The following MEGF11 variants were observed in gnomAD, a reference collection of about 807,000 sequenced individuals.
MEGF11 encodes multiple epidermal growth factor-like domains protein 11.
Under a neutral mutation model 146.6 loss-of-function variants are expected in MEGF11, and 126 were observed. The ratio of observed to expected loss-of-function variants is 0.86; its 90% confidence interval spans 0.74 to 1.00. MEGF11 has a LOEUF of 1.00. Ranked by LOEUF, MEGF11 falls within the 50% of genes least tolerant of loss-of-function variation. The probability of loss-of-function intolerance (pLI) is 0.00; values close to 1 mark genes in which losing one functional copy is unlikely to be tolerated. For synonymous variants in MEGF11, 532 were observed against 583.4 expected (o/e 0.91, Z 1.27); for missense variants, 1,509 against 1,521.2 (o/e 0.99, Z 0.13).
At chr15:66,113,365 G>T (rs1232208493) in intron 4 of MEGF11, among the ~76,000 whole-genome samples, 1 of 152,176 alleles carries the variant, frequency 6.6e-6, no homozygotes, top group African/African-American at 2.4e-5. Flanking sequence ...GTGGCCTCTG[G>T]CATTCCAAGC....
chr15:66,225,012 A>G (rs959894535), intron 1 of MEGF11, among the ~76,000 whole-genome samples: 1 of 152,160 alleles, frequency 6.6e-6, no homozygotes, highest in African/African-American at 2.4e-5. Context: ...TGGAGAATAC[A>G]GGCACAGGAA....
At chr15:65,956,631 G>GT (rs1477055916) in intron 10 of MEGF11, among the ~76,000 whole-genome samples, 8 of 152,216 alleles carry the variant, frequency 5.3e-5, no homozygotes, top group African/African-American at 1.9e-4. Flanking sequence ...GAACCCCTGA[G>GT]TGTTTGGCTC....
At chr15:66,165,212 C>T (rs991246560) in intron 1 of MEGF11, among the ~76,000 whole-genome samples, 11 of 152,198 alleles carry the variant, frequency 7.2e-5, no homozygotes, top group African/African-American at 2.2e-4. Flanking sequence ...CTGGCAGGCA[C>T]GGGTTTGAAT....
intron 10 of MEGF11, among the ~76,000 whole-genome samples, chr15:65,936,196 C>G (rs1439049934): frequency 1.3e-5 from 2 of 152,056 alleles, no homozygotes; most frequent in Non-Finnish European, 2.9e-5. Context: ...GGTGTCTTCC[C>G]TGACACTCCT....
chr15:66,252,016 G>A (rs1302153990), intron 1 of MEGF11, among the ~76,000 whole-genome samples: 1 of 152,184 alleles, frequency 6.6e-6, no homozygotes, highest in Non-Finnish European at 1.5e-5. Flanking sequence ...GGAAAGCCTC[G>A]AGCTTTTGGT....
At chr15:65,955,381 G>C (rs1266791519) in intron 10 of MEGF11, among the ~76,000 whole-genome samples, 1 of 148,166 alleles carries the variant, frequency 6.7e-6, no homozygotes, top group Non-Finnish European at 1.5e-5. Flanking sequence ...TGGGGAGGAA[G>C]AAGGGGGATT....
At chr15:66,090,835 T>C (rs1322298782) in intron 5 of MEGF11, among the ~76,000 whole-genome samples, 4 of 152,234 alleles carry the variant, frequency 2.6e-5, no homozygotes, top group Non-Finnish European at 5.9e-5. Context: ...AAGTTAAATT[T>C]AAACAGCAAG....
chr15:66,043,426 G>A (rs1434352568), intron 5 of MEGF11, among the ~76,000 whole-genome samples: 1 of 152,262 alleles, frequency 6.6e-6, no homozygotes, highest in Non-Finnish European at 1.5e-5. Flanking sequence ...GACTTCTGAG[G>A]GATGTCTGGG....
chr15:66,196,509 A>T (rs1054572265), intron 1 of MEGF11, among the ~76,000 whole-genome samples: 1 of 152,022 alleles, frequency 6.6e-6, no homozygotes, highest in Non-Finnish European at 1.5e-5. Flanking sequence ...GGGATTTGGG[A>T]TATTATCCTA....
At chr15:66,118,579 T>C (rs1485843369) in intron 4 of MEGF11, among the ~76,000 whole-genome samples, 1 of 152,214 alleles carries the variant, frequency 6.6e-6, no homozygotes, top group Admixed American at 6.5e-5. Flanking sequence ...CACTTCCTCA[T>C]GGTCCATCTC....
intron 5 of MEGF11, among the ~76,000 whole-genome samples, chr15:66,091,537 C>T (rs72744417): frequency 0.024 from 3,582 of 152,298 alleles, 60 homozygotes; most frequent in Middle Eastern, 0.065. Flanking sequence ...GGGTGATAGT[C>T]CCAGACTTAC....
At chr15:66,176,243 G>A (rs1200357542) in intron 1 of MEGF11, among the ~76,000 whole-genome samples, 1 of 152,190 alleles carries the variant, frequency 6.6e-6, no homozygotes, top group Non-Finnish European at 1.5e-5. Context: ...ACGGAAAACA[G>A]TATGGAGGTT....
At chr15:65,988,887 T>C (rs1262003871) in intron 5 of MEGF11, among the ~76,000 whole-genome samples, 2 of 152,172 alleles carry the variant, frequency 1.3e-5, no homozygotes, top group Non-Finnish European at 2.9e-5. Context: ...AGAAGAGCTG[T>C]CAGCAGTGCT....
chr15:65,967,471 T>C (rs333554), intron 8 of MEGF11, among the ~76,000 whole-genome samples: 123,003 of 152,070 alleles, frequency 0.81, 50,944 homozygotes, highest in Non-Finnish European at 0.91. Context: ...AACTTCTTTA[T>C]TATGTATTTT....
chr15:65,986,368 G>A (rs1240337758), intron 5 of MEGF11, among the ~76,000 whole-genome samples: 1 of 152,114 alleles, frequency 6.6e-6, no homozygotes, highest in African/African-American at 2.4e-5. Context: ...CATTAATATA[G>A]GGGCAAATAG....
intron 5 of MEGF11, among the ~76,000 whole-genome samples, chr15:66,051,136 G>A (rs529555552): frequency 6.6e-6 from 1 of 152,296 alleles, no homozygotes; most frequent in Non-Finnish European, 1.5e-5. Flanking sequence ...TTTCATGGGA[G>A]TCTCACAACA....
chr15:66,236,173 A>G (rs2092086538), intron 1 of MEGF11, among the ~76,000 whole-genome samples: 1 of 152,178 alleles, frequency 6.6e-6, no homozygotes, highest in Middle Eastern at 3.2e-3. Context: ...ATGCAAAGAC[A>G]CAGAGGTGTG....
At position 65,967,899 on chromosome 15, in the gene MEGF11, C is replaced by T. The variant is rs190409869; in HGVS notation, c.899+2654G>A. Among the ~76,000 whole-genome samples the T allele has an allele frequency of 3.3e-5, 5 of 152,276 alleles. No individual in the cohort carries two copies. The East Asian group carries it at 7.7e-4, about 24-fold the overall frequency. On this transcript the variant is annotated intron_variant, in intron 8 of 25. Transcript: ENST00000395614. ...GTATACTGAGGGGCTTCCAGCTGCT[C>T]AGGCCCCAGAGCCTGTCCCCAGCCC... is the stretch of plus-strand genomic sequence containing the variant.
At chr15:66,030,629 C>T (rs1285102166) in intron 5 of MEGF11, among the ~76,000 whole-genome samples, 1 of 152,068 alleles carries the variant, frequency 6.6e-6, no homozygotes, top group Admixed American at 6.5e-5. Context: ...AGGCTGGTCT[C>T]GAACTCCTGA....
Sources: gnomAD v4.1 joint callset for allele counts (sites outside exome capture counted in the v4.1 genomes callset) on GRCh38, gnomAD v4.1.1 for gene constraint, MANE v1.5 for transcripts, NCBI Gene and HGNC (gene_info 2026-07-23, HGNC 2026-07-21) for gene names.